KIF25: variants seen among roughly 807,000 people sequenced by gnomAD.
KIF25 encodes kinesin-like protein KIF25.
A neutral mutation model predicts 32.9 loss-of-function variants in KIF25; 19 were observed. The observed-to-expected ratio is 0.58, with a 90% CI of 0.40 to 0.85. The LOEUF (loss-of-function observed/expected upper bound fraction) is 0.85, where lower values mean the gene tolerates loss of function less well. KIF25 is among the 40% of genes least tolerant of loss of function. The pLI, the probability that KIF25 is intolerant of heterozygous loss-of-function variation, is 0.00. For missense variants in KIF25, 485 were observed against 507.0 expected, an observed-to-expected ratio of 0.96 and a Z score of 0.42; for synonymous variants, 225 against 213.7, an observed-to-expected ratio of 1.05 and a Z score of -0.46.
At chr6:168,033,301 A>G (rs1404319797) in intron 7 of KIF25, among the ~76,000 whole-genome samples, 2 of 152,202 alleles carry the variant, frequency 1.3e-5, no homozygotes, top group African/African-American at 4.8e-5. Flanking sequence ...GGAGTTTGAG[A>G]CCAGCCTGGC....
chr6:168,034,134 G>T, intron 8 of KIF25, 103 bp downstream of exon 8: 1 of 1,220,802 alleles, frequency 8.2e-7, no homozygotes, highest in South Asian at 1.4e-5. Context: ...TTTGAAGAAG[G>T]TGATCAAACC....
At chr6:168,007,575 G>A (rs1318996366) in intron 4 of KIF25, among the ~76,000 whole-genome samples, 1 of 152,200 alleles carries the variant, frequency 6.6e-6, no homozygotes, top group East Asian at 1.9e-4. Context: ...TCTGTTAAAA[G>A]GTGAACTCCA....
intron 5 of KIF25, among the ~76,000 whole-genome samples, chr6:168,024,931 G>C (rs1049897569): frequency 6.6e-6 from 1 of 152,110 alleles, no homozygotes; most frequent in East Asian, 1.9e-4. Flanking sequence ...CACGCCTATA[G>C]TCCCAGCTAC....
rs115157097 is a variant in KIF25, at chr6:168,028,205, T to C, written c.-94-1287T>C. ...AAAATATTAATTAAAAATAATATTT[T>C]AAAATTTATTTATTTAAAAAAAGGA... On this transcript the variant is annotated intron_variant, in intron 5 of 12. Coordinates refer to ENST00000643607, the MANE Select transcript of KIF25 (RefSeq NM_030615.4). Among the ~76,000 whole-genome samples the C allele has an allele frequency of 6.0e-3, 918 of 152,136 alleles. 13 individuals are homozygous for C. Among genetic ancestry groups the C allele is most frequent in the African/African-American group, 0.021 (875 of 41,554 alleles).
Position 168,033,903 on chromosome 6 carries a change from G to T in KIF25, c.189G>T (p.Ala63=), listed in dbSNP as rs781427087. The T allele has an allele frequency of 3.1e-6, 5 of 1,614,156 alleles. No individual in the cohort carries two copies. The highest frequency in any genetic ancestry group is 2.2e-5 in the South Asian group (2 of 91,076). The change falls in exon 8 of 13, where the codon GCG becomes GCT. Residue 63 remains alanine, a synonymous_variant. Coordinates refer to ENST00000643607, the MANE Select transcript of KIF25 (RefSeq NM_030615.4). ...LLDGYNVCVM[A]YGQTGSGKSY... ...TTAGGTACAATGTTTGTGTTATGGCGTATGGACAGACGGGCAGCGGAAAGA... is the reference window on the plus strand; with the variant it reads ...TTAGGTACAATGTTTGTGTTATGGCTTATGGACAGACGGGCAGCGGAAAGA...
intron 12 of KIF25, 119 bp from the exon 13 acceptor site, chr6:168,044,708 G>T: frequency 2.8e-6 from 3 of 1,067,288 alleles, no homozygotes; most frequent in Non-Finnish European, 4.0e-6. Context: ...CCACTTTCCC[G>T]CTGGGGCGCC....
chr6:168,039,752 T>C (rs73042830), intron 9 of KIF25, among the ~76,000 whole-genome samples: 2,843 of 152,348 alleles, frequency 0.019, 24 homozygotes, highest in Non-Finnish European at 0.029. Flanking sequence ...ACACAAAATA[T>C]TTTTAAAACA....
At chr6:168,038,491 G>C in intron 8 of KIF25, 62 bp from the exon 9 acceptor site, 1 of 1,558,870 alleles carries the variant, frequency 6.4e-7, no homozygotes, top group Non-Finnish European at 8.8e-7. Flanking sequence ...GCTATGATTG[G>C]CTTACACTGA....
chr6:168,040,134 C>T lies in KIF25; in HGVS notation c.564C>T (p.Pro188=), dbSNP rs761596442. The part of the protein sequence containing the change: ...HGGLQLRAKH[P]TLVHADSSRS... ...GTCTGCAGCTCAGGGCGAAGCACCCCACCCTGGTGCACGCGGATTCCTCCA... is the reference window on the plus strand; with the variant it reads ...GTCTGCAGCTCAGGGCGAAGCACCCTACCCTGGTGCACGCGGATTCCTCCA... The change falls in exon 10 of 13, where the codon CCC becomes CCT. Residue 188 remains proline, a synonymous_variant. Transcript: ENST00000643607. 2 of 1,614,132 alleles carry T rather than the reference C, an allele frequency of 1.2e-6. No individual in the cohort carries two copies. Among genetic ancestry groups the T allele is most frequent in the East Asian group, 2.2e-5 (1 of 44,890 alleles).
rs545392392 is a variant in KIF25 at position 168,038,687 on chromosome 6, C to T, written c.452C>T (p.Thr151Ile). ...TCGGGGGTCAAGCGTGAGGTGGTGA[C>T]AGCCAAGGATGGACGGACAGAGGTT... is the stretch of plus-strand genomic sequence containing the variant. The part of the protein sequence containing the change: ...AVSGVKREVV[T>I]AKDGRTEVAL... The change falls in exon 9 of 13, where the codon ACA becomes ATA. Residue 151 changes from threonine (T) to isoleucine (I), a missense_variant. Thr to Ile is a moderately conservative substitution (Grantham distance 89). Around this residue, in one of 2 missense-constraint regions of KIF25, gnomAD observed 480 missense variants for 470.3 expected, o/e 1.02. Transcript: ENST00000643607. 16 of 1,614,126 alleles carry T rather than the reference C, an allele frequency of 9.9e-6. No homozygotes were observed. Among genetic ancestry groups the T allele is most frequent in the Non-Finnish European group, 1.3e-5 (15 of 1,180,018 alleles).
chr6:168,035,444 A>G (rs199609185), intron 8 of KIF25, among the ~76,000 whole-genome samples: 4,075 of 16,768 alleles, frequency 0.24, 146 homozygotes, highest in East Asian at 0.35. Context: ...GCGGCGGAGG[A>G]GGCGGGAACG....
At chr6:167,999,942 C>T (rs1798474174) in intron 2 of KIF25, among the ~76,000 whole-genome samples, 1 of 146,308 alleles carries the variant, frequency 6.8e-6, no homozygotes, top group African/African-American at 2.6e-5. Context: ...ATCCTGACCA[C>T]ACCTGACCCT....
intron 4 of KIF25, among the ~76,000 whole-genome samples, chr6:168,008,831 G>C (rs779083163): frequency 5.3e-5 from 8 of 151,936 alleles, no homozygotes; most frequent in Non-Finnish European, 7.4e-5. Flanking sequence ...ATTTTTTGCA[G>C]CTATTGTATA....
chr6:168,020,635 G>A (rs1798776233), intron 5 of KIF25, among the ~76,000 whole-genome samples: 1 of 152,168 alleles, frequency 6.6e-6, no homozygotes, highest in African/African-American at 2.4e-5. Context: ...TGGTATGTTA[G>A]GCGATAGAAT....
In KIF25 at chr6:168,038,496, C is replaced by T. The variant is rs1438457967; in HGVS notation, c.318-57C>T. 2.5e-6 allele frequency: 4 copies of T among 1,571,408 alleles called. No individual in the cohort carries two copies. The South Asian group carries it at 4.6e-5, about 18-fold the overall frequency. ...GGCGTCTGGGGCTATGATTGGCTTA[C>T]ACTGAAAATCACTCTGTGAGACTTT... is the stretch of plus-strand genomic sequence containing the variant. On this transcript the variant is annotated intron_variant, in intron 8 of 12. Coordinates refer to ENST00000643607, the MANE Select transcript of KIF25 (RefSeq NM_030615.4).
Position 167,998,634 on chromosome 6 carries a change from TCTAAAATGC to T in KIF25, c.-826_-818del. On this transcript the variant is annotated 5_prime_UTR_variant, in exon 1 of 13. An upstream start codon of the reference 5' UTR is lost. Transcript: ENST00000643607. ...CAGATACTGAATTTCCAAAATCCCCTCTAAAATGCCTAAAATGTCGAGCCCAGGATGCCA... is the reference window on the plus strand; with the variant it reads ...CAGATACTGAATTTCCAAAATCCCCTCTAAAATGTCGAGCCCAGGATGCCA... The T allele has an allele frequency of 6.6e-6, 1 of 152,240 alleles. No homozygotes were observed. Among genetic ancestry groups the T allele is most frequent in the South Asian group, 2.1e-4 (1 of 4,816 alleles). The allele number at this position is 152,240 out of a possible 1,614,324, so 9.4% of individuals were successfully genotyped here. A position where few individuals can be genotyped will look rare whatever the true frequency, so the allele number is the denominator to read the frequency against.
At chr6:168,043,172 G>C (rs1405652965) in intron 12 of KIF25, among the ~76,000 whole-genome samples, 1 of 152,206 alleles carries the variant, frequency 6.6e-6, no homozygotes, top group Non-Finnish European at 1.5e-5. Flanking sequence ...CGGCCCCTGT[G>C]TGGAGTCATC....
intron 9 of KIF25, 83 bp from the exon 10 acceptor site, chr6:168,039,982 C>G: frequency 6.7e-7 from 1 of 1,483,270 alleles, no homozygotes; most frequent in Non-Finnish European, 9.0e-7. Flanking sequence ...TGAGAGGCTT[C>G]CCTGAGCCGA....
At chr6:168,002,016 G>T (rs1375990714) in intron 2 of KIF25, among the ~76,000 whole-genome samples, 1 of 135,750 alleles carries the variant, frequency 7.4e-6, no homozygotes, top group Non-Finnish European at 1.6e-5. Context: ...GACACCTGAG[G>T]CGTGGCCTCG....
Sources: gnomAD v4.1 joint callset for allele counts (sites outside exome capture counted in the v4.1 genomes callset) on GRCh38, gnomAD v4.1.1 for gene constraint, gnomAD v4.1.1 regional missense constraint, MANE v1.5 for transcripts, NCBI Gene and HGNC (gene_info 2026-07-23, HGNC 2026-07-21) for gene names.